The following VAV1 variants were observed in gnomAD, a reference collection of about 807,000 sequenced individuals.
The protein encoded by VAV1 is vav guanine nucleotide exchange factor 1, also known as proto-oncogene vav.
In VAV1, 33 loss-of-function variants were observed where a neutral mutation model predicts 128.1. The observed-to-expected ratio is 0.26, with a 90% confidence interval of 0.20 to 0.34. The LOEUF (loss-of-function observed/expected upper bound fraction) is 0.34. VAV1 is among the 10% of genes least tolerant of loss of function. The pLI is 1.00. For synonymous variants in VAV1, 394 were observed against 409.8 expected, an observed-to-expected ratio of 0.96 and a Z score of 0.47; for missense variants, 715 against 1,093.7, an observed-to-expected ratio of 0.65 and a Z score of 4.88.
At chr19:6,846,860 ATATT>A (rs1972535522) in intron 22 of VAV1, among the ~76,000 whole-genome samples, 1 of 147,758 alleles carries the variant, frequency 6.8e-6, no homozygotes, top group South Asian at 2.1e-4. Flanking sequence ...TTTATATTGA[ATATT>A]TACACTCACA....
intron 1 of VAV1, among the ~76,000 whole-genome samples, chr19:6,776,710 AC>A (rs2144686436): frequency 6.8e-6 from 1 of 146,718 alleles, no homozygotes; most frequent in East Asian, 2.0e-4. Context: ...TCACCTATCC[AC>A]CCACCCATCT....
At chr19:6,813,224 G>A (rs116986430) in intron 1 of VAV1, among the ~76,000 whole-genome samples, 3,254 of 152,276 alleles carry the variant, frequency 0.021, 70 homozygotes, top group Admixed American at 0.059. Context: ...TTAGCTGGAG[G>A]GTCTACTTCC....
At position 6,822,239 on chromosome 19, in the gene VAV1, T is replaced by C. The variant is rs141064710; in HGVS notation, c.468T>C (p.Asp156=). 4 of 1,586,234 alleles carry C rather than the reference T, an allele frequency of 2.5e-6. No individual in the cohort carries two copies. In the African/African-American group the frequency reaches 4.0e-5, roughly 16 times the overall value. Residue 156 remains aspartate, a synonymous_variant, in exon 5 of 27, where the codon GAT becomes GAC. Transcript: ENST00000602142. The surrounding 1 kb of genome is among the most constrained non-coding windows in gnomAD (Gnocchi z 5.9). ...CCCACAGCGACACGGTGGAGGAGGA[T>C]GAGGACCTGTATGACTGCGTGGAGA... ...SDQIDDTVEE[D]EDLYDCVENE...
rs773638542 is a variant in VAV1, at chr19:6,772,979, C to T, written c.172C>T (p.Arg58Cys). ...NNLLPHAINLREVNLRPQMSQ... is the reference protein window; with the variant it reads ...NNLLPHAINLCEVNLRPQMSQ... ...CCTGCTACCCCATGCCATCAACCTG[C>T]GTGAGGTCAACCTGCGCCCCCAGAT... Residue 58 changes from arginine to cysteine, a missense_variant, in exon 1 of 27, where the codon CGT (arginine) becomes TGT (cysteine). By Grantham distance (180) the Arg-to-Cys change is radical. This residue lies in a region of VAV1 where 302 missense variants were observed against 477.8 expected (regional missense o/e 0.63). Transcript: ENST00000602142. This position sits in a 1 kb window ranked among gnomAD's most constrained non-coding sequence, Gnocchi z 4.8. 2 of 1,614,112 alleles carry T rather than the reference C, an allele frequency of 1.2e-6. No individual in the cohort carries two copies. Among genetic ancestry groups the T allele is most frequent in the Non-Finnish European group, 8.5e-7 (1 of 1,179,998 alleles).
At position 6,833,740 on chromosome 19, in the gene VAV1, C is replaced by G. The variant is rs1367928475; in HGVS notation, c.1731+7C>G. Reference sequence around the variant, plus strand: ...CCCAGGAACTATGAAGAAGGTAAGACTTTCCCGTGGTCCTTCCTGTGTACC... The same window carrying G: ...CCCAGGAACTATGAAGAAGGTAAGAGTTTCCCGTGGTCCTTCCTGTGTACC... On this transcript the variant is annotated splice_region_variant and intron_variant, in intron 18 of 26. Transcript: ENST00000602142. The G allele has an allele frequency of 6.2e-7, 1 of 1,614,058 alleles. No homozygotes were observed. The highest frequency in any genetic ancestry group is 1.3e-5 in the African/African-American group (1 of 74,918).
At chr19:6,803,452 CCT>C (rs1359647245) in intron 1 of VAV1, among the ~76,000 whole-genome samples, 1 of 152,156 alleles carries the variant, frequency 6.6e-6, no homozygotes, top group Admixed American at 6.6e-5. Flanking sequence ...CTGCTCCAGC[CCT>C]GTTTTAGCTA....
At chr19:6,780,549 G>C (rs1004939885) in intron 1 of VAV1, among the ~76,000 whole-genome samples, 1 of 118,024 alleles carries the variant, frequency 8.5e-6, no homozygotes, top group African/African-American at 4.0e-5. Flanking sequence ...TTAAAAGATT[G>C]CCTTCTCCTT....
chr19:6,850,069 C>T (rs1791820384), intron 23 of VAV1, among the ~76,000 whole-genome samples: 1 of 151,586 alleles, frequency 6.6e-6, no homozygotes, highest in South Asian at 2.1e-4. Context: ...TAGAGGAATT[C>T]CCTTCTCTCA....
In VAV1 at chr19:6,833,320, C is replaced by G. The variant is rs371850002; in HGVS notation, c.1610+35C>G. 10 of 1,579,404 alleles carry G rather than the reference C, an allele frequency of 6.3e-6. No individual in the cohort carries two copies. In the African/African-American group the frequency reaches 1.1e-4, roughly 17 times the overall value. Reference sequence around the variant, plus strand: ...TGGGAGGAGGGTCCTGCATACCGGACTTGGTCATCAGTTCCTTGCTAGAGA... The same window carrying G: ...TGGGAGGAGGGTCCTGCATACCGGAGTTGGTCATCAGTTCCTTGCTAGAGA... On this transcript the variant is annotated intron_variant, in intron 16 of 26. Transcript: ENST00000602142.
intron 21 of VAV1, among the ~76,000 whole-genome samples, chr19:6,842,083 G>A (rs918504059): frequency 1.3e-5 from 2 of 151,924 alleles, no homozygotes; most frequent in Non-Finnish European, 2.9e-5. Flanking sequence ...AAAATTAGCC[G>A]GGCGTGGTGA....
intron 26 of VAV1, among the ~76,000 whole-genome samples, chr19:6,856,490 G>A (rs1193058370): frequency 6.6e-6 from 1 of 152,082 alleles, no homozygotes; most frequent in African/African-American, 2.4e-5. Context: ...GGGAGGCCGA[G>A]ATGGGCAGAT....
In VAV1 at chr19:6,839,293, A is replaced by G. The variant is rs1158702074; in HGVS notation, c.1980+2243A>G. On this transcript the variant is annotated intron_variant, in intron 21 of 26. Transcript: ENST00000602142. ...GGTCTTGAACTCCTGGGCTCAAGCA[A>G]TCCTCTCATAGAACATCCTTCTCTT... 2.0e-5 allele frequency among the ~76,000 whole-genome samples: 3 copies of G among 151,752 alleles called. No individual in the cohort carries two copies. In the East Asian group the frequency reaches 5.8e-4, roughly 29 times the overall value.
At chr19:6,773,912 G>A (rs1970559764) in intron 1 of VAV1, among the ~76,000 whole-genome samples, 2 of 151,998 alleles carry the variant, frequency 1.3e-5, no homozygotes, top group Non-Finnish European at 2.9e-5. Flanking sequence ...GGGATGAAAG[G>A]AGATACAGCC....
At chr19:6,789,681 T>A (rs745655697) in intron 1 of VAV1, among the ~76,000 whole-genome samples, 13 of 152,100 alleles carry the variant, frequency 8.5e-5, no homozygotes, top group Non-Finnish European at 1.8e-4. Context: ...CACTGCAACC[T>A]CCGCATCATG....
chr19:6,802,798 G>C (rs1478258000), intron 1 of VAV1, among the ~76,000 whole-genome samples: 1 of 152,178 alleles, frequency 6.6e-6, no homozygotes, highest in African/African-American at 2.4e-5. Context: ...TATCTGTGTG[G>C]TCCGGGATGG....
intron 1 of VAV1, among the ~76,000 whole-genome samples, chr19:6,792,851 T>C (rs1599627495): frequency 1.3e-5 from 2 of 152,170 alleles, no homozygotes. Flanking sequence ...TATTGATATC[T>C]ATTGGATAGA....
At chr19:6,812,945 C>A (rs1488987433) in intron 1 of VAV1, among the ~76,000 whole-genome samples, 4 of 152,060 alleles carry the variant, frequency 2.6e-5, no homozygotes, top group Non-Finnish European at 4.4e-5. Context: ...AACGTCCAGC[C>A]CTTTTTATGC....
At chr19:6,781,645 T>C (rs1450158483) in intron 1 of VAV1, among the ~76,000 whole-genome samples, 5 of 151,956 alleles carry the variant, frequency 3.3e-5, no homozygotes, top group Non-Finnish European at 7.4e-5. Flanking sequence ...TCTTTCTCTG[T>C]TGTACAGGCT....
Position 6,844,063 on chromosome 19 carries a change from C to CTTTTTTTTTTTTTTTTTTTTTT in VAV1, c.2012+917_2012+938dup, listed in dbSNP as rs71177123. Among the ~76,000 whole-genome samples, 57 of 21,326 alleles carry CTTTTTTTTTTTTTTTTTTTTTT rather than the reference C, an allele frequency of 2.7e-3. 25 individuals carry two copies. Among genetic ancestry groups the CTTTTTTTTTTTTTTTTTTTTTT allele is most frequent in the East Asian group, 4.5e-3 (2 of 446 alleles). The allele number at this position is 21,326 out of a possible 152,430, so 14.0% of individuals were successfully genotyped here. A position where few individuals can be genotyped will look rare whatever the true frequency, so the allele number is the denominator to read the frequency against. On this transcript the variant is annotated intron_variant, in intron 22 of 26. Coordinates refer to ENST00000602142, the MANE Select transcript of VAV1 (RefSeq NM_005428.4). ...ACTTTCTTCTTTTCTTCTTCTTCTT[C>CTTTTTTTTTTTTTTTTTTTTTT]TTTTTTTTTTTTTTTTTTTTTTTTT... is the stretch of plus-strand genomic sequence containing the variant.
Sources: gnomAD v4.1 joint callset for allele counts (sites outside exome capture counted in the v4.1 genomes callset) on GRCh38, gnomAD v4.1.1 for gene constraint, gnomAD v4.1.1 regional missense constraint, Gnocchi (gnomAD v3.1) non-coding constraint, MANE v1.5 for transcripts, NCBI Gene and HGNC (gene_info 2026-07-23, HGNC 2026-07-21) for gene names.